TASP1: variants seen among roughly 807,000 people sequenced by gnomAD.
TASP1 encodes the protein taspase 1.
A neutral mutation model predicts 56.6 loss-of-function variants in TASP1; 16 were observed. The ratio of observed to expected loss-of-function variants is 0.28; its 90% CI spans 0.19 to 0.43. TASP1 has a LOEUF of 0.43. Ranked by LOEUF, TASP1 falls within the 20% of genes least tolerant of loss-of-function variation. The pLI is 1.00. For synonymous variants in TASP1, 179 were observed against 184.2 expected (o/e 0.97, Z 0.23); for missense variants, 393 against 511.6 (o/e 0.77, Z 2.24).
chr20:13,562,409 TAAATA>T (rs2046372415), intron 7 of TASP1, among the ~76,000 whole-genome samples: 1 of 151,036 alleles, frequency 6.6e-6, no homozygotes, highest in Admixed American at 6.6e-5. Flanking sequence ...AGAGTGGAGA[TAAATA>T]AAATAGATAA....
chr20:13,513,861 C>T (rs146200317), intron 10 of TASP1, among the ~76,000 whole-genome samples: 1 of 152,006 alleles, frequency 6.6e-6, no homozygotes, highest in South Asian at 2.1e-4. Context: ...CAAAGAAAGA[C>T]CTGCTACTAA....
At chr20:13,494,839 C>A (rs6042173) in intron 10 of TASP1, among the ~76,000 whole-genome samples, 1,692 of 151,976 alleles carry the variant, frequency 0.011, 42 homozygotes, top group African/African-American at 0.038. Context: ...TGTAGATAGT[C>A]TCCAATTTTA....
chr20:13,240,602 T>C, the TASP1 span, among the ~76,000 whole-genome samples: 4 of 152,194 alleles, frequency 2.6e-5, no homozygotes, highest in African/African-American at 9.7e-5. Context: ...CAGGTCATGA[T>C]AAAGAATATG....
chr20:13,487,335 G>T (rs961804870), intron 10 of TASP1, among the ~76,000 whole-genome samples: 5 of 152,142 alleles, frequency 3.3e-5, no homozygotes, highest in African/African-American at 7.2e-5. Flanking sequence ...ACAGTGTCAG[G>T]CCCCTGCCTG....
the TASP1 span, among the ~76,000 whole-genome samples, chr20:13,238,500 C>G: frequency 6.6e-6 from 1 of 152,074 alleles, no homozygotes; most frequent in Non-Finnish European, 1.5e-5. Flanking sequence ...ACATAGTTCC[C>G]CAATACCCAC....
At chr20:13,264,639 A>T in the TASP1 span, among the ~76,000 whole-genome samples, 1 of 152,282 alleles carries the variant, frequency 6.6e-6, no homozygotes, top group Admixed American at 6.5e-5. Context: ...AGATGTGGCT[A>T]TGGCCATCCA....
At chr20:13,206,773 C>T in the TASP1 span, among the ~76,000 whole-genome samples, 1,081 of 152,310 alleles carry the variant, frequency 7.1e-3, 14 homozygotes, top group African/African-American at 0.025. Context: ...GAATCAGTAC[C>T]ATTTCTCGGC....
the TASP1 span, among the ~76,000 whole-genome samples, chr20:13,186,319 C>T: frequency 1.6e-4 from 25 of 152,136 alleles, no homozygotes; most frequent in African/African-American, 6.0e-4. Flanking sequence ...AAAATGTTGC[C>T]AGAGCCGTAT....
At chr20:13,246,042 C>A in the TASP1 span, among the ~76,000 whole-genome samples, 1 of 152,124 alleles carries the variant, frequency 6.6e-6, no homozygotes, top group South Asian at 2.1e-4. Context: ...CTGAGGTGGG[C>A]AGATCACTTG....
chr20:13,192,175 G>T, the TASP1 span, among the ~76,000 whole-genome samples: 15 of 152,206 alleles, frequency 9.9e-5, no homozygotes, highest in African/African-American at 3.6e-4. Flanking sequence ...GAGCAGATCT[G>T]CCCTGTAAGA....
At chr20:13,453,496 AT>A (rs2043707281) in intron 11 of TASP1, among the ~76,000 whole-genome samples, 2 of 152,096 alleles carry the variant, frequency 1.3e-5, no homozygotes, top group Admixed American at 6.6e-5. Context: ...TGGAGATCTC[AT>A]GGTGGAAGAC....
chr20:13,387,320 A>G (rs541057137), downstream of TASP1, among the ~76,000 whole-genome samples: 1 of 149,144 alleles, frequency 6.7e-6, no homozygotes, highest in African/African-American at 2.5e-5. Flanking sequence ...CAGCCTCCCA[A>G]TTAGTTGGGA....
At chr20:13,500,179 T>C (rs755070560) in intron 10 of TASP1, among the ~76,000 whole-genome samples, 53 of 150,774 alleles carry the variant, frequency 3.5e-4, no homozygotes, top group Non-Finnish European at 5.8e-4. Context: ...AGGGCTGAAA[T>C]GTTTTATATG....
the TASP1 span, among the ~76,000 whole-genome samples, chr20:13,115,416 GC>G: frequency 9.9e-5 from 15 of 152,238 alleles, no homozygotes; most frequent in East Asian, 2.3e-3. Context: ...AGCTAGACCA[GC>G]CCCATGGAAG....
chr20:13,420,265 AAC>A (rs1252295635), intron 12 of TASP1, among the ~76,000 whole-genome samples: 3 of 152,220 alleles, frequency 2.0e-5, no homozygotes, highest in Non-Finnish European at 4.4e-5. Flanking sequence ...AAATGGAATA[AAC>A]ACAAAAATTT....
the TASP1 span, among the ~76,000 whole-genome samples, chr20:13,252,712 A>C: frequency 6.6e-6 from 1 of 151,982 alleles, no homozygotes; most frequent in Non-Finnish European, 1.5e-5. Flanking sequence ...CCAAGACTGC[A>C]CCACTTGCAC....
At chr20:13,403,760 C>A (rs58129464) in intron 13 of TASP1, among the ~76,000 whole-genome samples, 28 of 151,974 alleles carry the variant, frequency 1.8e-4, no homozygotes. Flanking sequence ...TGTGCCCCTG[C>A]AGTCCTAGTT....
the TASP1 span, among the ~76,000 whole-genome samples, chr20:13,194,536 C>G: frequency 7.3e-6 from 1 of 137,902 alleles, no homozygotes; most frequent in South Asian, 2.5e-4. Flanking sequence ...AATAATGTCA[C>G]CAAGAAATGT....
the TASP1 span, among the ~76,000 whole-genome samples, chr20:13,352,270 C>A: frequency 6.6e-6 from 1 of 151,872 alleles, no homozygotes; most frequent in Non-Finnish European, 1.5e-5. Flanking sequence ...GACAACATGG[C>A]GAAACCCCAT....
Sources: gnomAD v4.1 joint callset for allele counts (sites outside exome capture counted in the v4.1 genomes callset) on GRCh38, gnomAD v4.1.1 for gene constraint, MANE v1.5 for transcripts, NCBI Gene and HGNC (gene_info 2026-07-23, HGNC 2026-07-21) for gene names.